The following HELZ variants were observed in gnomAD, a reference collection of about 807,000 sequenced individuals.
The protein encoded by HELZ is helicase with zinc finger, also known as ATP-dependent RNA helicase with zinc finger domain.
A neutral mutation model predicts 218.2 loss-of-function variants in HELZ; 23 were observed. The ratio of observed to expected loss-of-function variants is 0.11; its 90% CI spans 0.08 to 0.15. The LOEUF is 0.15. HELZ is among the 10% of genes least tolerant of loss of function. The pLI is 1.00. For synonymous variants in HELZ, 814 were observed against 829.4 expected (o/e 0.98, Z 0.32); for missense variants, 1,813 against 2,353.7 (o/e 0.77, Z 4.75).
chr17:67,142,121 T>C (rs999907855), intron 21 of HELZ, among the ~76,000 whole-genome samples: 4 of 151,428 alleles, frequency 2.6e-5, no homozygotes, highest in Non-Finnish European at 5.9e-5. Context: ...AAGAAGGCAA[T>C]AAAGAAGACA....
At chr17:67,081,328 C>G (rs1201139484) in intron 32 of HELZ, among the ~76,000 whole-genome samples, 7 of 152,184 alleles carry the variant, frequency 4.6e-5, no homozygotes, top group Admixed American at 4.6e-4. Flanking sequence ...AGCCCTTACC[C>G]TAACTGATAC....
Position 67,120,539 on chromosome 17 carries a change from T to C in HELZ, c.3704A>G (p.Tyr1235Cys), listed in dbSNP as rs1386910685. The change falls in exon 27 of 33, where the codon TAT (tyrosine) becomes TGT (cysteine). Residue 1235 changes from tyrosine (Y) to cysteine (C), a missense_variant. By Grantham distance (194) the Tyr-to-Cys change is radical. Transcript: ENST00000358691. The stretch of plus-strand genomic sequence containing the variant: ...ATGTGTCTGTAATAGGTTCATGTTA[T>C]AGGCCATTGCTGCCTGATGTGTAAT... ...RIITHQAAMA[Y>C]NMNLLQTHGR... is the part of the protein sequence containing the mutation. 4 of 1,613,674 alleles carry C rather than the reference T, an allele frequency of 2.5e-6. No individual in the cohort carries two copies. The highest frequency in any genetic ancestry group is 2.5e-6 in the Non-Finnish European group (3 of 1,179,884).
intron 24 of HELZ, among the ~76,000 whole-genome samples, chr17:67,127,845 A>G (rs2037850525): frequency 6.6e-6 from 1 of 152,012 alleles, no homozygotes; most frequent in Non-Finnish European, 1.5e-5. Context: ...CCCTCTCAAA[A>G]AAAAAAAAAA....
chr17:67,224,000 G>A (rs1437559073), intron 3 of HELZ, among the ~76,000 whole-genome samples: 1 of 152,054 alleles, frequency 6.6e-6, no homozygotes, highest in African/African-American at 2.4e-5. Context: ...CCCTTCCCTG[G>A]TAATAAAAGC....
chr17:67,242,448 A>G (rs942350519), intron 2 of HELZ, among the ~76,000 whole-genome samples: 2 of 151,156 alleles, frequency 1.3e-5, no homozygotes, highest in African/African-American at 2.4e-5. Flanking sequence ...CTATCTATCT[A>G]TATACATAGA....
At chr17:67,138,535 T>C (rs2038222414) in intron 21 of HELZ, among the ~76,000 whole-genome samples, 1 of 152,212 alleles carries the variant, frequency 6.6e-6, no homozygotes, top group Non-Finnish European at 1.5e-5. Flanking sequence ...AGAAGCTTCC[T>C]GTCATCAGTG....
rs964857580 is a variant in HELZ, at chr17:67,148,840, G to C, written c.2476-126C>G. On this transcript the variant is annotated intron_variant, in intron 19 of 32. Transcript: ENST00000358691. ...AAAACTTCAACATGCTAAATGCTGG[G>C]ACAAGCACAATCAGTAATATTTTCT... is the stretch of plus-strand genomic sequence containing the variant. 3 of 822,134 alleles carry C rather than the reference G, an allele frequency of 3.6e-6. No individual in the cohort carries two copies. The Admixed American group carries it at 7.8e-5, about 21-fold the overall frequency. The allele number at this position is 822,134 out of a possible 1,614,324, so 50.9% of individuals were successfully genotyped here.
At chr17:67,142,746 T>A (rs1417529386) in intron 21 of HELZ, among the ~76,000 whole-genome samples, 1 of 26,904 alleles carries the variant, frequency 3.7e-5, no homozygotes, top group Non-Finnish European at 5.5e-5. Context: ...AAGAGGGATA[T>A]TTATTTATTT....
intron 15 of HELZ, among the ~76,000 whole-genome samples, chr17:67,162,138 A>G (rs1230578221): frequency 6.6e-6 from 1 of 152,154 alleles, no homozygotes; most frequent in Non-Finnish European, 1.5e-5. Flanking sequence ...TAACCTGGCC[A>G]GGCATGGTGG....
intron 13 of HELZ, among the ~76,000 whole-genome samples, chr17:67,171,134 A>C (rs2039299110): frequency 6.7e-6 from 1 of 149,466 alleles, no homozygotes; most frequent in Non-Finnish European, 1.5e-5. Context: ...TTTTCTTCCT[A>C]CCTCTCCTAG....
chr17:67,203,391 G>A lies in HELZ; in HGVS notation c.300C>T (p.Cys100=). The change falls in exon 6 of 33, where the codon TGC becomes TGT. Residue 100 remains cysteine, a synonymous_variant. Coordinates refer to ENST00000358691, the MANE Select transcript of HELZ (RefSeq NM_014877.4). ...GGAGCTTCCCTTTCAGCTGCATGCA[G>A]CAAAGCACTGCCCGAAAGGCATCTT... The part of the protein sequence containing the change: ...KGEDAFRAVL[C]CMQLKGKLQP... 1.2e-6 allele frequency: 2 copies of A among 1,614,120 alleles called. No homozygotes were observed. Among genetic ancestry groups the A allele is most frequent in the Non-Finnish European group, 1.7e-6 (2 of 1,179,970 alleles).
chr17:67,169,104 A>C (rs561145747), intron 13 of HELZ, among the ~76,000 whole-genome samples: 16 of 152,272 alleles, frequency 1.1e-4, no homozygotes, highest in African/African-American at 3.9e-4. Context: ...AAATTAAAAA[A>C]AAAGAAAGAG....
intron 24 of HELZ, chr17:67,128,389 A>G (rs1449876409): frequency 2.1e-6 from 1 of 472,656 alleles, no homozygotes; most frequent in Non-Finnish European, 3.8e-6. Flanking sequence ...AGAGGATTAG[A>G]AGGTTATTTT....
rs546440983 is a variant in HELZ, at chr17:67,239,410, A to G, written c.-19+23T>C. 3 of 152,394 alleles carry G rather than the reference A, an allele frequency of 2.0e-5. No homozygotes were observed. In the South Asian group the frequency reaches 6.2e-4, roughly 32 times the overall value. The allele number at this position is 152,394 out of a possible 1,614,324, so 9.4% of individuals were successfully genotyped here. Reference sequence around the variant, plus strand: ...GCATTATAAAATTCTTGTTTTCTAAATAAAGTTCTAAACCTTACTCACCTG... The same window carrying G: ...GCATTATAAAATTCTTGTTTTCTAAGTAAAGTTCTAAACCTTACTCACCTG... On this transcript the variant is annotated intron_variant, in intron 3 of 32. Coordinates refer to ENST00000358691, the MANE Select transcript of HELZ (RefSeq NM_014877.4).
At chr17:67,150,972 G>A in intron 18 of HELZ, 74 bp downstream of exon 18, 1 of 1,308,588 alleles carries the variant, frequency 7.6e-7, no homozygotes, top group Non-Finnish European at 1.1e-6. Flanking sequence ...CCCACACACT[G>A]TAGTTTGCCA....
intron 3 of HELZ, among the ~76,000 whole-genome samples, chr17:67,223,337 A>C (rs2040801351): frequency 6.6e-6 from 1 of 152,200 alleles, no homozygotes; most frequent in Admixed American, 6.5e-5. Flanking sequence ...AGGGAATGGA[A>C]GTCGCTGGAG....
At chr17:67,096,016 G>A (rs924449380) in intron 31 of HELZ, among the ~76,000 whole-genome samples, 2 of 152,216 alleles carry the variant, frequency 1.3e-5, no homozygotes, top group Non-Finnish European at 2.9e-5. Flanking sequence ...CAGAATGGAT[G>A]TGTTAGCAGG....
intron 3 of HELZ, among the ~76,000 whole-genome samples, chr17:67,235,684 G>T (rs903597035): frequency 6.7e-6 from 1 of 150,284 alleles, no homozygotes; most frequent in Non-Finnish European, 1.5e-5. Flanking sequence ...CTGAATCCTG[G>T]AATAATCCAT....
At chr17:67,146,552 T>C (rs1188712133) in intron 20 of HELZ, among the ~76,000 whole-genome samples, 1 of 152,158 alleles carries the variant, frequency 6.6e-6, no homozygotes, top group Non-Finnish European at 1.5e-5. Context: ...TGACCCATGA[T>C]TGTACTAATA....
Sources: gnomAD v4.1 joint callset for allele counts (sites outside exome capture counted in the v4.1 genomes callset) on GRCh38, gnomAD v4.1.1 for gene constraint, MANE v1.5 for transcripts, NCBI Gene and HGNC (gene_info 2026-07-23, HGNC 2026-07-21) for gene names.